Variants in KCNN2 observed in about 807,000 individuals in gnomAD.
KCNN2 encodes the protein small conductance calcium-activated potassium channel protein 2.
A neutral mutation model predicts 55.5 loss-of-function variants in KCNN2; 24 were observed. That is an observed-to-expected ratio of 0.43 (90% CI 0.31 to 0.61). The LOEUF is 0.61. Among genes scored for constraint, KCNN2 ranks in the 20% least tolerant of loss-of-function variants. KCNN2 has a pLI of 0.08. For missense variants in KCNN2, 754 were observed against 853.6 expected, an observed-to-expected ratio of 0.88 and a Z score of 1.45; for synonymous variants, 431 against 336.1, an observed-to-expected ratio of 1.28 and a Z score of -3.09.
intron 2 of KCNN2, among the ~76,000 whole-genome samples, chr5:114,287,637 T>C (rs948575399): frequency 1.4e-4 from 21 of 151,374 alleles, no homozygotes; most frequent in African/African-American, 4.9e-4. Context: ...TTAGGACAAA[T>C]ACCTAATGCA....
chr5:114,281,340 A>G (rs140921782), intron 2 of KCNN2, among the ~76,000 whole-genome samples: 6 of 152,316 alleles, frequency 3.9e-5, no homozygotes, highest in African/African-American at 1.2e-4. Context: ...ATAAATGGCT[A>G]TAGTACTTGC....
At chr5:114,063,903 G>A (rs1244229501) in intron 1 of KCNN2, among the ~76,000 whole-genome samples, 2 of 152,186 alleles carry the variant, frequency 1.3e-5, no homozygotes, top group Admixed American at 1.3e-4. Flanking sequence ...TTTAAGACAA[G>A]CCATTGAGCA....
intron 3 of KCNN2, among the ~76,000 whole-genome samples, chr5:114,407,698 G>A (rs551057470): frequency 2.6e-5 from 4 of 152,162 alleles, no homozygotes; most frequent in Non-Finnish European, 4.4e-5. Context: ...CAGTGCATCG[G>A]AAGTCTTTTC....
At chr5:114,312,386 TACACACACACACACACAC>T (rs70976336) in intron 2 of KCNN2, among the ~76,000 whole-genome samples, 1,294 of 51,482 alleles carry the variant, frequency 0.025, 129 homozygotes, top group East Asian at 0.25. Flanking sequence ...AAAAAGGAGA[TACACACACACACACACAC>T]ACACACACAC....
intron 3 of KCNN2, among the ~76,000 whole-genome samples, chr5:114,416,350 C>T (rs1191065551): frequency 6.6e-6 from 1 of 151,990 alleles, no homozygotes; most frequent in Non-Finnish European, 1.5e-5. Context: ...GTGTCTGACC[C>T]CGTTTTAGGG....
intron 2 of KCNN2, among the ~76,000 whole-genome samples, chr5:114,316,462 G>A (rs1048180978): frequency 6.6e-6 from 1 of 152,114 alleles, no homozygotes; most frequent in African/African-American, 2.4e-5. Flanking sequence ...CCAACGTGTA[G>A]GCTCAAAGAA....
chr5:114,342,702 A>G (rs1325860132), intron 2 of KCNN2, among the ~76,000 whole-genome samples: 2 of 152,230 alleles, frequency 1.3e-5, no homozygotes, highest in Non-Finnish European at 2.9e-5. Flanking sequence ...TTATAAGTAT[A>G]TTCTTTCTTA....
chr5:114,493,558 TCCCAA>T, intron 7 of KCNN2, 86 bp downstream of exon 7: 2 of 901,452 alleles, frequency 2.2e-6, no homozygotes, highest in South Asian at 2.7e-5. Context: ...TTCAAGAGGA[TCCCAA>T]CCCAAATCTA....
chr5:114,384,090 A>G (rs1398690329), intron 2 of KCNN2, among the ~76,000 whole-genome samples: 1 of 152,164 alleles, frequency 6.6e-6, no homozygotes, highest in African/African-American at 2.4e-5. Flanking sequence ...TTCTTTTTGC[A>G]GTAGGGCCTT....
chr5:114,254,929 C>T (rs4235757), intron 2 of KCNN2, among the ~76,000 whole-genome samples: 5 of 151,172 alleles, frequency 3.3e-5, no homozygotes, highest in Non-Finnish European at 7.4e-5. Context: ...ACCAAAAAAA[C>T]AATCTTAAGT....
At chr5:114,087,941 A>G (rs565229980) in intron 1 of KCNN2, among the ~76,000 whole-genome samples, 138 of 152,042 alleles carry the variant, frequency 9.1e-4, no homozygotes, top group Middle Eastern at 3.4e-3. Context: ...TTTTATTTCT[A>G]TGTGGGTTAT....
At chr5:114,317,927 T>C (rs996889073) in intron 2 of KCNN2, among the ~76,000 whole-genome samples, 27 of 152,214 alleles carry the variant, frequency 1.8e-4, no homozygotes, top group African/African-American at 6.3e-4. Flanking sequence ...TGTAAAGCAC[T>C]GAAGAGATAA....
At chr5:114,437,936 T>C (rs535307717) in intron 3 of KCNN2, among the ~76,000 whole-genome samples, 2 of 152,308 alleles carry the variant, frequency 1.3e-5, no homozygotes, top group African/African-American at 2.4e-5. Context: ...TTTTTGCCTA[T>C]CCCAGAAAAT....
chr5:114,416,168 C>T (rs982963962), intron 3 of KCNN2, among the ~76,000 whole-genome samples: 3 of 152,036 alleles, frequency 2.0e-5, no homozygotes, highest in East Asian at 1.9e-4. Flanking sequence ...GTAGTAGCTG[C>T]GAAAAATGAA....
Position 114,362,577 on chromosome 5 carries a change from G to C in KCNN2, c.438G>C (p.Gln146His), listed in dbSNP as rs1561586601. Residue 146 changes from glutamine to histidine, a missense_variant, in exon 1 of 8, where the codon CAG (glutamine) becomes CAC (histidine). By Grantham distance (24) the Gln-to-His change is conservative (BLOSUM62 0). This residue lies in a region of KCNN2 where 381 missense variants were observed against 259.1 expected (regional missense o/e 1.47). Coordinates refer to ENST00000673685, the MANE Select transcript of KCNN2 (RefSeq NM_021614.4). ...CGCTCCGGCAGCAGTACGCGCAGCAGTCCGCGCAGCAGTCGGCGTCCGCCT... is the reference window on the plus strand; with the variant it reads ...CGCTCCGGCAGCAGTACGCGCAGCACTCCGCGCAGCAGTCGGCGTCCGCCT... ...ASALRQQYAQQSAQQSASASQ... is the reference protein window; with the variant it reads ...ASALRQQYAQHSAQQSASASQ... The C allele has an allele frequency of 2.9e-6, 2 of 687,620 alleles. No individual in the cohort carries two copies. The highest frequency in any genetic ancestry group is 3.4e-5 in the Admixed American group (1 of 29,420). The allele number at this position is 687,620 out of a possible 1,614,324, so 42.6% of individuals were successfully genotyped here.
chr5:114,154,925 G>C lies in KCNN2; in HGVS notation c.-270-66555G>C, dbSNP rs1034751107. Among the ~76,000 whole-genome samples the C allele has an allele frequency of 6.4e-4, 98 of 151,974 alleles. 1 individual carries two copies. Among genetic ancestry groups the C allele is most frequent in the Non-Finnish European group, 1.5e-4 (10 of 67,986 alleles). On this transcript the variant is annotated intron_variant, in intron 1 of 10. Coordinates refer to the KCNN2 transcript ENST00000512097. ...TTTAAGTTAGTGGGTAGATGTACAC[G>C]TTTGTTACATAGGCAAACTTTCATC...
At chr5:114,105,189 C>T (rs1329901832) in intron 1 of KCNN2, among the ~76,000 whole-genome samples, 1 of 152,016 alleles carries the variant, frequency 6.6e-6, no homozygotes, top group Non-Finnish European at 1.5e-5. Flanking sequence ...CATCTTTGCA[C>T]ACCCCGCAGA....
chr5:114,484,109 A>G (rs1243598597), intron 5 of KCNN2, among the ~76,000 whole-genome samples: 1 of 152,174 alleles, frequency 6.6e-6, no homozygotes, highest in East Asian at 1.9e-4. Context: ...TATAAATTAT[A>G]TGTGCTGTGG....
chr5:114,173,939 C>G lies in KCNN2; in HGVS notation c.-270-47541C>G, dbSNP rs1290822707. 2.6e-5 allele frequency among the ~76,000 whole-genome samples: 4 copies of G among 151,652 alleles called. No homozygotes were observed. The East Asian group carries it at 7.7e-4, about 29-fold the overall frequency. ...ATTTTAATTTTTACTTTTTTTTGCACTCAACCTCCAAGCATGCTTTTTATT... is the reference window on the plus strand; with the variant it reads ...ATTTTAATTTTTACTTTTTTTTGCAGTCAACCTCCAAGCATGCTTTTTATT... On this transcript the variant is annotated intron_variant, in intron 1 of 10. Transcript: ENST00000512097.
Sources: gnomAD v4.1 joint callset for allele counts (sites outside exome capture counted in the v4.1 genomes callset) on GRCh38, gnomAD v4.1.1 for gene constraint, gnomAD v4.1.1 regional missense constraint, MANE v1.5 for transcripts, NCBI Gene and HGNC (gene_info 2026-07-23, HGNC 2026-07-21) for gene names.